Variants in CPED1 observed in about 807,000 individuals in gnomAD.
CPED1 encodes the protein cadherin like and PC-esterase domain containing 1.
Under a neutral mutation model 128.2 loss-of-function variants are expected in CPED1, and 114 were observed. The observed-to-expected ratio is 0.89, with a 90% CI of 0.76 to 1.04. The LOEUF (loss-of-function observed/expected upper bound fraction) is 1.04. Among genes scored for constraint, CPED1 ranks in the 50% least tolerant of loss-of-function variants. CPED1 has a pLI of 0.00. For missense variants in CPED1, 1,211 were observed against 1,207.1 expected (o/e 1.00, Z -0.05); for synonymous variants, 462 against 426.7 (o/e 1.08, Z -1.02).
chr7:121,257,492 G>A (rs567867964), intron 18 of CPED1, among the ~76,000 whole-genome samples: 6 of 150,808 alleles, frequency 4.0e-5, no homozygotes, highest in African/African-American at 1.5e-4. Context: ...AAATGCAGAG[G>A]GGAGAGCCTG....
chr7:121,293,043 G>T (rs1277707433), intron 22 of CPED1, among the ~76,000 whole-genome samples: 2 of 152,192 alleles, frequency 1.3e-5, no homozygotes, highest in South Asian at 4.1e-4. Flanking sequence ...CAGAGCTCTA[G>T]TGCTGTGTTG....
At chr7:121,120,511 C>T (rs1795357246) in intron 7 of CPED1, among the ~76,000 whole-genome samples, 1 of 152,104 alleles carries the variant, frequency 6.6e-6, no homozygotes, top group African/African-American at 2.4e-5. Flanking sequence ...ATGAAAAGTT[C>T]TTTGACACAT....
In CPED1 at chr7:121,216,060, G is replaced by A. The variant is rs187506850; in HGVS notation, c.2056-20654G>A. Reference sequence around the variant, plus strand: ...CATAGCCTTGGCTCAGATTTGGGCCGTGTATCCTCAGTCTACACTCTTAAA... The same window carrying A: ...CATAGCCTTGGCTCAGATTTGGGCCATGTATCCTCAGTCTACACTCTTAAA... On this transcript the variant is annotated intron_variant, in intron 16 of 22. Coordinates refer to ENST00000310396, the MANE Select transcript of CPED1 (RefSeq NM_024913.5). 3.9e-5 allele frequency among the ~76,000 whole-genome samples: 6 copies of A among 152,126 alleles called. 1 individual carries two copies. Among genetic ancestry groups the A allele is most frequent in the South Asian group, 2.1e-4 (1 of 4,820 alleles).
chr7:121,065,509 C>G (rs1793809759), intron 5 of CPED1, among the ~76,000 whole-genome samples: 1 of 151,992 alleles, frequency 6.6e-6, no homozygotes, highest in Non-Finnish European at 1.5e-5. Flanking sequence ...TTGACCAGAA[C>G]CTACAGATTT....
chr7:121,177,170 T>A (rs1796802029), intron 16 of CPED1, among the ~76,000 whole-genome samples: 1 of 152,066 alleles, frequency 6.6e-6, no homozygotes, highest in Admixed American at 6.6e-5. Context: ...TCGCCATTTC[T>A]TGTCTAGTAG....
intron 5 of CPED1, chr7:121,083,758 C>T (rs1317442909): frequency 6.6e-6 from 1 of 152,178 alleles, no homozygotes; most frequent in East Asian, 1.9e-4. Flanking sequence ...CAAGCCCGAC[C>T]CTGCTTAACT....
intron 4 of CPED1, among the ~76,000 whole-genome samples, chr7:121,059,453 T>G (rs920370404): frequency 2.6e-5 from 4 of 152,208 alleles, no homozygotes; most frequent in African/African-American, 7.2e-5. Flanking sequence ...AGTAAAAGCA[T>G]GAACATTTCT....
At chr7:121,166,855 G>T (rs971213805) in intron 16 of CPED1, among the ~76,000 whole-genome samples, 3 of 152,098 alleles carry the variant, frequency 2.0e-5, no homozygotes, top group African/African-American at 7.2e-5. Context: ...GTGAAAATCA[G>T]CAACAACTGT....
intron 20 of CPED1, 35 bp downstream of exon 20, chr7:121,266,843 C>A (rs781695275): frequency 1.3e-6 from 2 of 1,493,704 alleles, no homozygotes; most frequent in Non-Finnish European, 1.9e-6. Context: ...CATTAGTATT[C>A]TAAGTCAAAA....
intron 16 of CPED1, among the ~76,000 whole-genome samples, chr7:121,147,622 T>C (rs1796055989): frequency 6.6e-6 from 1 of 152,112 alleles, no homozygotes; most frequent in African/African-American, 2.4e-5. Flanking sequence ...CAAGTTGATT[T>C]GTATAGATGA....
intron 3 of CPED1, among the ~76,000 whole-genome samples, chr7:121,019,564 G>A (rs1792385143): frequency 6.6e-6 from 1 of 151,870 alleles, no homozygotes; most frequent in Non-Finnish European, 1.5e-5. Flanking sequence ...GTTAATTTTG[G>A]GAATAAAACA....
At chr7:121,226,938 C>T (rs1798028386) in intron 16 of CPED1, among the ~76,000 whole-genome samples, 1 of 152,056 alleles carries the variant, frequency 6.6e-6, no homozygotes, top group African/African-American at 2.4e-5. Context: ...ACCATGTAAA[C>T]ACAGAAAATA....
At chr7:121,226,375 G>A (rs1798013991) in intron 16 of CPED1, among the ~76,000 whole-genome samples, 1 of 151,972 alleles carries the variant, frequency 6.6e-6, no homozygotes, top group Admixed American at 6.6e-5. Flanking sequence ...CTGCAGACCG[G>A]AGCTGTTCCT....
chr7:121,060,695 G>GGGTTCTACCA (rs1346414013), intron 4 of CPED1, among the ~76,000 whole-genome samples: 1 of 152,198 alleles, frequency 6.6e-6, no homozygotes, highest in Non-Finnish European at 1.5e-5. Flanking sequence ...ACAGACTACT[G>GGGTTCTACCA]GGCTCTACCA....
chr7:121,261,654 T>C, intron 18 of CPED1: 1 of 1,611,112 alleles, frequency 6.2e-7, no homozygotes, highest in Non-Finnish European at 8.5e-7. Context: ...GTCCAGAGAG[T>C]TCCTAGAAGC....
intron 3 of CPED1, among the ~76,000 whole-genome samples, chr7:121,037,460 G>A (rs1792924884): frequency 6.6e-6 from 1 of 151,884 alleles, no homozygotes; most frequent in East Asian, 1.9e-4. Flanking sequence ...AGTATTTGGG[G>A]TTATTTCTGG....
At chr7:121,186,904 GA>G (rs1797016025) in intron 16 of CPED1, among the ~76,000 whole-genome samples, 1 of 152,146 alleles carries the variant, frequency 6.6e-6, no homozygotes, top group Non-Finnish European at 1.5e-5. Flanking sequence ...TCGTACTTCA[GA>G]AGAGTCTGCA....
chr7:121,203,717 G>C (rs1797455225), intron 16 of CPED1, among the ~76,000 whole-genome samples: 1 of 152,156 alleles, frequency 6.6e-6, no homozygotes, highest in African/African-American at 2.4e-5. Flanking sequence ...TTGTTAACAA[G>C]TGTATAATAG....
At chr7:120,990,144 T>C (rs181871034) in intron 2 of CPED1, among the ~76,000 whole-genome samples, 77 of 152,324 alleles carry the variant, frequency 5.1e-4, no homozygotes, top group African/African-American at 1.8e-3. Context: ...CATAAAATGA[T>C]GTGGATTCTT....
Sources: gnomAD v4.1 joint callset for allele counts (sites outside exome capture counted in the v4.1 genomes callset) on GRCh38, gnomAD v4.1.1 for gene constraint, MANE v1.5 for transcripts, NCBI Gene and HGNC (gene_info 2026-07-23, HGNC 2026-07-21) for gene names.